Variants in ELL2 observed in about 807,000 individuals in gnomAD.
ELL2 encodes the protein RNA polymerase II elongation factor ELL2.
In ELL2, 21 loss-of-function variants were observed where a neutral mutation model predicts 72.8. The observed-to-expected ratio is 0.29, with a 90% CI of 0.20 to 0.42. The LOEUF is 0.42. ELL2 is among the 10% of genes least tolerant of loss of function. ELL2 has a pLI of 1.00. For missense variants in ELL2, 568 were observed against 772.8 expected, an observed-to-expected ratio of 0.73 and a Z score of 3.14; for synonymous variants, 266 against 283.2, an observed-to-expected ratio of 0.94 and a Z score of 0.61.
intron 8 of ELL2, 86 bp downstream of exon 8, chr5:95,898,154 A>T (rs2112275554): frequency 8.6e-7 from 1 of 1,165,278 alleles, no homozygotes; most frequent in Non-Finnish European, 1.2e-6. Flanking sequence ...ATGAAACGTC[A>T]TTTGCTAAAG....
chr5:95,895,632 A>G lies in ELL2; in HGVS notation c.1585T>C (p.Leu529=), dbSNP rs779460309. 5.7e-5 allele frequency: 92 copies of G among 1,613,750 alleles called. No individual in the cohort carries two copies. The highest frequency in any genetic ancestry group is 7.1e-5 in the Non-Finnish European group (84 of 1,179,798). Residue 529 remains leucine, a synonymous_variant, in exon 9 of 12, where the codon TTG becomes CTG. Coordinates refer to ENST00000237853, the MANE Select transcript of ELL2 (RefSeq NM_012081.6). ...EPSAIELPDY[L]IKYIAIVSYE... ...TTGGCAGACATATGAACTTACATCAAATAATCTGGGAGTTCAATTGCTGAA... is the reference window on the plus strand; with the variant it reads ...TTGGCAGACATATGAACTTACATCAGATAATCTGGGAGTTCAATTGCTGAA...
rs866057789 is a variant in ELL2, at chr5:95,900,935, A to G, written c.866+21T>C. 1.9e-6 allele frequency: 3 copies of G among 1,577,458 alleles called. No individual in the cohort carries two copies. In the Middle Eastern group the frequency reaches 5.1e-4, roughly 270 times the overall value. On this transcript the variant is annotated intron_variant, in intron 6 of 11. Transcript: ENST00000237853. The stretch of plus-strand genomic sequence containing the variant: ...ATTTTTAAAGAAACATTTTTTTAAA[A>G]GCAAGAAAAAAAGAATTCACCTAGA...
At position 95,940,225 on chromosome 5, in the gene ELL2, C is replaced by T. The variant is rs370840885; in HGVS notation, c.195+2777G>A. ...GTCACAATTTATATTTTTAATACTA[C>T]AAAGGCTGCTGCCCAACTGTGATAA... On this transcript the variant is annotated intron_variant, in intron 2 of 11. Transcript: ENST00000237853. 9.2e-5 allele frequency among the ~76,000 whole-genome samples: 14 copies of T among 152,308 alleles called. No homozygotes were observed. In the East Asian group the frequency reaches 2.7e-3, roughly 29 times the overall value.
chr5:95,907,650 A>G (rs551868010), intron 4 of ELL2, among the ~76,000 whole-genome samples: 1 of 152,300 alleles, frequency 6.6e-6, no homozygotes, highest in East Asian at 1.9e-4. Context: ...TCCTTGCTGA[A>G]GAGACAAAAA....
intron 5 of ELL2, among the ~76,000 whole-genome samples, chr5:95,904,874 T>C (rs1749295638): frequency 1.3e-5 from 2 of 152,198 alleles, no homozygotes; most frequent in Non-Finnish European, 2.9e-5. Context: ...CCTGATATCT[T>C]TCTTGGGAGG....
In ELL2 at chr5:95,885,874, A is replaced by G. The variant is rs977111058; in HGVS notation, c.*2997T>C. 2.0e-5 allele frequency: 3 copies of G among 152,232 alleles called. No individual in the cohort carries two copies. Among genetic ancestry groups the G allele is most frequent in the Non-Finnish European group, 4.4e-5 (3 of 68,026 alleles). 9.4% of individuals were successfully genotyped at this position (152,232 alleles called of 1,614,324 possible). ...TAAAGAGTTGAAAGTTAAGCCCTCT[A>G]AAGTATTCAAAGTGGAATAAATAAC... On this transcript the variant is annotated 3_prime_UTR_variant, in exon 12 of 12. Transcript: ENST00000237853.
chr5:95,890,902 TCCACTGG>T, intron 10 of ELL2, 194 bp downstream of exon 10: 1 of 615,148 alleles, frequency 1.6e-6, no homozygotes, highest in Non-Finnish European at 2.8e-6. Context: ...AAGGTTTTTT[TCCACTGG>T]TAGAAATACA....
intron 1 of ELL2, among the ~76,000 whole-genome samples, chr5:95,948,534 A>G (rs1222944655): frequency 6.6e-6 from 1 of 151,832 alleles, no homozygotes; most frequent in Non-Finnish European, 1.5e-5. Flanking sequence ...CACCAGGAAA[A>G]AGTTTAGAAG....
rs1751866680 is a variant in ELL2, at chr5:95,961,692, C to T, written c.30G>A (p.Arg10=). MAAGGTGGL[R]EEQRYGLSCG... ...ACGACAGCCCATAGCGCTGCTCCTCCCGCAGGCCCCCTGTCCCCCCCGCCG... is the reference window on the plus strand; with the variant it reads ...ACGACAGCCCATAGCGCTGCTCCTCTCGCAGGCCCCCTGTCCCCCCCGCCG... The change falls in exon 1 of 12, where the codon CGG becomes CGA. Residue 10 remains arginine (R), a synonymous_variant. Transcript: ENST00000237853. The T allele has an allele frequency of 6.2e-7, 1 of 1,604,828 alleles. No homozygotes were observed. Among genetic ancestry groups the T allele is most frequent in the Admixed American group, 1.7e-5 (1 of 59,318 alleles).
intron 7 of ELL2, 65 bp downstream of exon 7, chr5:95,900,628 C>T (rs1013606802): frequency 1.7e-6 from 2 of 1,201,402 alleles, no homozygotes; most frequent in Non-Finnish European, 2.3e-6. Context: ...ACTTATACAT[C>T]AGAGGACCTG....
chr5:95,917,013 G>A (rs139838100), intron 3 of ELL2, among the ~76,000 whole-genome samples: 76 of 152,254 alleles, frequency 5.0e-4, no homozygotes, highest in Non-Finnish European at 9.6e-4. Context: ...TAGGCAAGAA[G>A]GTACTCTCTA....
chr5:95,955,994 C>T (rs1751615135), intron 1 of ELL2, among the ~76,000 whole-genome samples: 2 of 152,024 alleles, frequency 1.3e-5, no homozygotes, highest in South Asian at 4.1e-4. Flanking sequence ...TCACCAATTA[C>T]CTAATAAGCC....
At chr5:95,899,735 C>T (rs977639387) in intron 7 of ELL2, among the ~76,000 whole-genome samples, 1 of 152,062 alleles carries the variant, frequency 6.6e-6, no homozygotes, top group African/African-American at 2.4e-5. Flanking sequence ...AATTTAACAC[C>T]ATTTATTTGG....
At chr5:95,891,362 G>T in intron 9 of ELL2, 88 bp from the exon 10 acceptor site, 1 of 1,368,768 alleles carries the variant, frequency 7.3e-7, no homozygotes, top group Non-Finnish European at 9.8e-7. Context: ...TTAGAGATTA[G>T]ATCCATGCAT....
chr5:95,947,614 G>C (rs184130802), intron 1 of ELL2, among the ~76,000 whole-genome samples: 1 of 152,104 alleles, frequency 6.6e-6, no homozygotes, highest in East Asian at 1.9e-4. Flanking sequence ...AGAGTACATC[G>C]CTTAGGATCA....
chr5:95,952,864 C>T (rs1206462155), intron 1 of ELL2, among the ~76,000 whole-genome samples: 1 of 152,048 alleles, frequency 6.6e-6, no homozygotes. Context: ...AGATAGAGAC[C>T]TCCAACATTC....
At chr5:95,897,031 G>A (rs1021012264) in intron 8 of ELL2, among the ~76,000 whole-genome samples, 1 of 152,186 alleles carries the variant, frequency 6.6e-6, no homozygotes, top group Non-Finnish European at 1.5e-5. Flanking sequence ...GAGGGAAAAA[G>A]CTTACACCTA....
chr5:95,943,168 C>T (rs1410396936), intron 1 of ELL2, 119 bp from the exon 2 acceptor site: 1 of 694,648 alleles, frequency 1.4e-6, no homozygotes, highest in East Asian at 4.2e-5. Flanking sequence ...TGACTCTAAT[C>T]CCAGCACTTT....
chr5:95,900,418 G>A, intron 7 of ELL2: 1 of 246,804 alleles, frequency 4.1e-6, no homozygotes, highest in Non-Finnish European at 7.6e-6. Context: ...GACCAAATTG[G>A]AAAGTAGATA....
Sources: allele counts gnomAD v4.1 joint callset (sites outside exome capture counted in the v4.1 genomes callset), GRCh38; gene constraint gnomAD v4.1.1; transcripts MANE v1.5; gene names NCBI Gene and HGNC (gene_info 2026-07-23, HGNC 2026-07-21).